ME1: variants seen among roughly 807,000 people sequenced by gnomAD.
ME1 encodes malic enzyme 1.
In ME1, 74 loss-of-function variants were observed where a neutral mutation model predicts 66.4. The observed-to-expected ratio is 1.11, with a 90% confidence interval of 0.92 to 1.35. The LOEUF is 1.35. ME1 is among the 40% of genes most tolerant of loss of function. The pLI, the probability that ME1 is intolerant of heterozygous loss-of-function variation, is 0.00. For synonymous variants in ME1, 251 were observed against 235.6 expected (o/e 1.07, Z -0.60); for missense variants, 750 against 694.1 (o/e 1.08, Z -0.90).
chr6:83,378,837 C>T (rs973403239), intron 3 of ME1, among the ~76,000 whole-genome samples: 1 of 151,950 alleles, frequency 6.6e-6, no homozygotes, highest in African/African-American at 2.4e-5. Flanking sequence ...TTCTTCCTAC[C>T]ATAGTCATTA....
At chr6:83,367,296 G>A (rs998550746) in intron 3 of ME1, among the ~76,000 whole-genome samples, 2 of 152,032 alleles carry the variant, frequency 1.3e-5, no homozygotes, top group Non-Finnish European at 2.9e-5. Context: ...AATTTTTAAG[G>A]GCTCTAGGAT....
chr6:83,357,196 C>T (rs978757704), intron 3 of ME1, among the ~76,000 whole-genome samples: 12 of 152,090 alleles, frequency 7.9e-5, no homozygotes, highest in African/African-American at 2.9e-4. Flanking sequence ...GCACCATTGC[C>T]GACCGGTCCT....
At chr6:83,299,841 T>C (rs779255685) in intron 6 of ME1, among the ~76,000 whole-genome samples, 3 of 152,344 alleles carry the variant, frequency 2.0e-5, no homozygotes, top group African/African-American at 4.8e-5. Flanking sequence ...AGGCCTGTTC[T>C]GCTTCTATTA....
chr6:83,395,252 A>G (rs1281595445), intron 3 of ME1, among the ~76,000 whole-genome samples: 1 of 151,126 alleles, frequency 6.6e-6, no homozygotes, highest in East Asian at 2.0e-4. Flanking sequence ...CACGCTCAGC[A>G]ATTTTTGTAT....
chr6:83,223,391 G>A (rs77371304), intron 12 of ME1, among the ~76,000 whole-genome samples: 1 of 152,192 alleles, frequency 6.6e-6, no homozygotes, highest in Non-Finnish European at 1.5e-5. Flanking sequence ...CTGGGCTCAA[G>A]TGATCTGCCT....
intron 6 of ME1, among the ~76,000 whole-genome samples, chr6:83,291,177 T>C (rs1249231914): frequency 1.3e-5 from 2 of 152,192 alleles, no homozygotes; most frequent in African/African-American, 4.8e-5. Flanking sequence ...GTTAGCTGGT[T>C]ATTTCACCTG....
intron 3 of ME1, among the ~76,000 whole-genome samples, chr6:83,360,687 T>C (rs1482146705): frequency 6.6e-6 from 1 of 152,158 alleles, no homozygotes; most frequent in Non-Finnish European, 1.5e-5. Context: ...AGTGCCACCA[T>C]CAAGGACTTG....
chr6:83,351,977 T>C, intron 4 of ME1, 87 bp downstream of exon 4: 2 of 695,416 alleles, frequency 2.9e-6, no homozygotes, highest in South Asian at 4.5e-5. Context: ...CTACCTATTA[T>C]CATGAGAATT....
rs1051682306 is a variant in ME1 at position 83,357,902 on chromosome 6, C to CCTCTCTCTCT, written c.363-5773_363-5764dup. Among the ~76,000 whole-genome samples the CCTCTCTCTCT allele has an allele frequency of 3.0e-3, 93 of 31,504 alleles. 4 individuals are homozygous for CCTCTCTCTCT. The highest frequency in any genetic ancestry group is 6.7e-3 in the African/African-American group (48 of 7,178). The allele number at this position is 31,504 out of a possible 152,430, so 20.7% of individuals were successfully genotyped here. A position where few individuals can be genotyped will look rare whatever the true frequency, so the allele number is the denominator to read the frequency against. On this transcript the variant is annotated intron_variant, in intron 3 of 13. Transcript: ENST00000369705. ...TGTTAGTTAATACTTAATAAACTCC[C>CCTCTCTCTCT]CTCTCTCTCTCTCTCTCTCTCTCTC...
At chr6:83,320,074 A>G (rs1144177) in intron 5 of ME1, among the ~76,000 whole-genome samples, 48,783 of 152,052 alleles carry the variant, frequency 0.32, 8,199 homozygotes, top group Middle Eastern at 0.49. Context: ...AGCATATTTT[A>G]TATGTGGAAT....
chr6:83,261,711 C>T (rs940646983), intron 6 of ME1, among the ~76,000 whole-genome samples: 8 of 151,756 alleles, frequency 5.3e-5, no homozygotes, highest in Non-Finnish European at 8.8e-5. Flanking sequence ...AAGCACAAAA[C>T]GTGAAGTATG....
At chr6:83,363,121 G>A (rs1223047190) in intron 3 of ME1, among the ~76,000 whole-genome samples, 1 of 152,162 alleles carries the variant, frequency 6.6e-6, no homozygotes, top group Non-Finnish European at 1.5e-5. Context: ...GAATCAAGGG[G>A]TGGAAGTGGC....
intron 7 of ME1, among the ~76,000 whole-genome samples, chr6:83,241,644 C>T (rs1300285559): frequency 6.6e-6 from 1 of 152,052 alleles, no homozygotes; most frequent in African/African-American, 2.4e-5. Context: ...AAAAATTTAA[C>T]TTGAACATGA....
At chr6:83,289,194 G>A (rs903470027) in intron 6 of ME1, among the ~76,000 whole-genome samples, 1 of 152,212 alleles carries the variant, frequency 6.6e-6, no homozygotes. Flanking sequence ...AGGTTGAATC[G>A]AAGTGGTGAA....
At chr6:83,394,521 C>T (rs1769692060) in intron 3 of ME1, among the ~76,000 whole-genome samples, 1 of 152,174 alleles carries the variant, frequency 6.6e-6, no homozygotes, top group East Asian at 1.9e-4. Flanking sequence ...AGGGATGATG[C>T]GGCCAACTCT....
chr6:83,429,035 G>A (rs557902691), intron 1 of ME1, among the ~76,000 whole-genome samples: 2 of 152,146 alleles, frequency 1.3e-5, no homozygotes, highest in South Asian at 4.2e-4. Context: ...AGGCTGAGGC[G>A]GGTGGATCAC....
chr6:83,298,649 G>A (rs1307491589), intron 6 of ME1, among the ~76,000 whole-genome samples: 1 of 152,066 alleles, frequency 6.6e-6, no homozygotes, highest in East Asian at 1.9e-4. Flanking sequence ...CCATGCCTAT[G>A]TCTTGAATGG....
chr6:83,395,269 T>C (rs1023645959), intron 3 of ME1, among the ~76,000 whole-genome samples: 2 of 151,740 alleles, frequency 1.3e-5, no homozygotes, highest in African/African-American at 4.8e-5. Flanking sequence ...GTATTTTTAG[T>C]AGAGATAGGG....
intron 6 of ME1, among the ~76,000 whole-genome samples, chr6:83,281,846 CAAAAAAGAGAAAAA>C (rs199563721): frequency 0.053 from 3,580 of 67,510 alleles, 99 homozygotes; most frequent in African/African-American, 0.12. Context: ...GAAAAGAAAA[CAAAAAAGAGAAAAA>C]AAAAAAGAGA....
Sources: allele counts gnomAD v4.1 joint callset (sites outside exome capture counted in the v4.1 genomes callset), GRCh38; gene constraint gnomAD v4.1.1; transcripts MANE v1.5; gene names NCBI Gene and HGNC (gene_info 2026-07-23, HGNC 2026-07-21).